The following VPS13B variants were observed in gnomAD, a reference collection of about 807,000 sequenced individuals.
VPS13B encodes intermembrane lipid transfer protein VPS13B.
A neutral mutation model predicts 426.4 loss-of-function variants in VPS13B; 285 were observed. The observed-to-expected ratio is 0.67, with a 90% CI of 0.61 to 0.74. The LOEUF (loss-of-function observed/expected upper bound fraction) is 0.74, where lower values mean the gene tolerates loss of function less well. Ranked by LOEUF, VPS13B falls within the 30% of genes least tolerant of loss-of-function variation. VPS13B has a pLI of 0.00. For missense variants in VPS13B, 4,537 were observed against 4,782.6 expected (o/e 0.95, Z 1.51); for synonymous variants, 1,676 against 1,676.4 (o/e 1.00, Z 0.01).
At chr8:99,187,301 T>C (rs1813274203) in intron 16 of VPS13B, among the ~76,000 whole-genome samples, 2 of 152,136 alleles carry the variant, frequency 1.3e-5, no homozygotes, top group South Asian at 4.1e-4. Flanking sequence ...AAAATGCTTA[T>C]AGAATAAAAA....
chr8:99,106,582 C>A (rs1221450228), intron 5 of VPS13B, among the ~76,000 whole-genome samples: 3 of 152,070 alleles, frequency 2.0e-5, no homozygotes, highest in Admixed American at 2.0e-4. Context: ...GCTTGTTGTA[C>A]ATATACTCAC....
intron 32 of VPS13B, among the ~76,000 whole-genome samples, chr8:99,576,543 G>T (rs1825785274): frequency 6.6e-6 from 1 of 151,960 alleles, no homozygotes; most frequent in African/African-American, 2.4e-5. Flanking sequence ...GTTCTTCATG[G>T]CTTTATTAAA....
rs1469738744 is a variant in VPS13B at position 99,871,616 on chromosome 8, A to G, written c.11664A>G (p.Glu3888=). The G allele has an allele frequency of 6.2e-7, 1 of 1,614,174 alleles. No individual in the cohort carries two copies. The highest frequency in any genetic ancestry group is 8.5e-7 in the Non-Finnish European group (1 of 1,180,044). The change falls in exon 61 of 62, where the codon GAA becomes GAG. Residue 3888 remains glutamate, a synonymous_variant. Coordinates refer to ENST00000357162, the MANE Select transcript of VPS13B (RefSeq NM_152564.5). ...DTQQQAFPVT[E]IDCAQDSKQN... is the part of the protein sequence containing the mutation. The stretch of plus-strand genomic sequence containing the variant: ...AGCAGCAGGCCTTCCCCGTCACAGA[A>G]ATCGACTGTGCACAGGACAGCAAGC...
chr8:99,525,698 T>TA (rs1309899739), intron 30 of VPS13B, among the ~76,000 whole-genome samples: 8 of 152,172 alleles, frequency 5.3e-5, no homozygotes, highest in African/African-American at 1.4e-4. Context: ...TCACAGAACT[T>TA]ACATTCTAAT....
intron 19 of VPS13B, among the ~76,000 whole-genome samples, chr8:99,285,447 G>A (rs1211296532): frequency 6.6e-6 from 1 of 152,108 alleles, no homozygotes; most frequent in Non-Finnish European, 1.5e-5. Flanking sequence ...AGCTTCATTA[G>A]TAAGTAGTAA....
At chr8:99,299,674 G>A (rs1047496337) in intron 19 of VPS13B, among the ~76,000 whole-genome samples, 1 of 151,894 alleles carries the variant, frequency 6.6e-6, no homozygotes, top group Non-Finnish European at 1.5e-5. Flanking sequence ...CACTTTGGGA[G>A]TCTGAGGCGG....
chr8:99,551,127 A>G (rs573287238), intron 30 of VPS13B, among the ~76,000 whole-genome samples: 4 of 152,154 alleles, frequency 2.6e-5, no homozygotes, highest in South Asian at 4.1e-4. Flanking sequence ...CATGGAGGAC[A>G]GATTTGTCAG....
intron 23 of VPS13B, among the ~76,000 whole-genome samples, chr8:99,458,859 T>A (rs1220953998): frequency 6.6e-6 from 1 of 152,120 alleles, no homozygotes; most frequent in Non-Finnish European, 1.5e-5. Flanking sequence ...TTTTCTCCCA[T>A]GTTGTAGGTT....
At chr8:99,076,148 G>A (rs1253084014) in intron 3 of VPS13B, among the ~76,000 whole-genome samples, 2 of 151,968 alleles carry the variant, frequency 1.3e-5, no homozygotes, top group Non-Finnish European at 2.9e-5. Context: ...TGTTTGATTT[G>A]TCTCTATTTG....
chr8:99,569,532 G>A (rs1000485177), intron 31 of VPS13B, among the ~76,000 whole-genome samples: 3 of 151,332 alleles, frequency 2.0e-5, no homozygotes, highest in Non-Finnish European at 4.4e-5. Context: ...GGAATATTTT[G>A]GGAACCTTGG....
chr8:99,531,926 G>C (rs1822956181), intron 30 of VPS13B, among the ~76,000 whole-genome samples: 1 of 151,970 alleles, frequency 6.6e-6, no homozygotes, highest in African/African-American at 2.4e-5. Flanking sequence ...TTAAAATAGT[G>C]ATTGTAACAT....
intron 19 of VPS13B, among the ~76,000 whole-genome samples, chr8:99,276,900 G>A (rs1818927496): frequency 6.6e-6 from 1 of 151,816 alleles, no homozygotes; most frequent in Non-Finnish European, 1.5e-5. Flanking sequence ...TTCTTGAGTT[G>A]GACAGGAACT....
At chr8:99,035,899 G>C (rs1273918518) in intron 2 of VPS13B, among the ~76,000 whole-genome samples, 1 of 152,056 alleles carries the variant, frequency 6.6e-6, no homozygotes, top group African/African-American at 2.4e-5. Context: ...TCCCTAATGA[G>C]TAGTTATGCT....
At chr8:99,321,210 C>CT (rs58817658) in intron 19 of VPS13B, among the ~76,000 whole-genome samples, 114 of 93,930 alleles carry the variant, frequency 1.2e-3, no homozygotes, top group East Asian at 3.9e-3. Context: ...TTTTCTTTTT[C>CT]TTTTTTTTTT....
intron 19 of VPS13B, among the ~76,000 whole-genome samples, chr8:99,308,454 T>G (rs1225936272): frequency 6.6e-6 from 1 of 152,146 alleles, no homozygotes; most frequent in Non-Finnish European, 1.5e-5. Context: ...CTTGCGATAG[T>G]TTGCTGCGAA....
chr8:99,593,718 T>C (rs1248485040), intron 33 of VPS13B, among the ~76,000 whole-genome samples: 2 of 152,000 alleles, frequency 1.3e-5, no homozygotes, highest in African/African-American at 4.8e-5. Flanking sequence ...CATGGAATAG[T>C]GTGCAGCCAT....
chr8:99,599,156 G>T (rs1426114632), intron 33 of VPS13B, among the ~76,000 whole-genome samples: 1 of 151,900 alleles, frequency 6.6e-6, no homozygotes, highest in Non-Finnish European at 1.5e-5. Flanking sequence ...TACTCAAGCT[G>T]GTAAGAACAG....
chr8:99,102,664 G>C (rs577829643), intron 4 of VPS13B, among the ~76,000 whole-genome samples: 7 of 152,150 alleles, frequency 4.6e-5, no homozygotes, highest in Admixed American at 1.3e-4. Flanking sequence ...TCATTGTATG[G>C]GATCTAATAT....
At chr8:99,108,718 C>G (rs1466355905) in intron 5 of VPS13B, among the ~76,000 whole-genome samples, 1 of 152,022 alleles carries the variant, frequency 6.6e-6, no homozygotes. Flanking sequence ...TATGATGCCT[C>G]TAGCTGTGTT....
Sources: allele counts gnomAD v4.1 joint callset (sites outside exome capture counted in the v4.1 genomes callset), GRCh38; gene constraint gnomAD v4.1.1; transcripts MANE v1.5; gene names NCBI Gene and HGNC (gene_info 2026-07-23, HGNC 2026-07-21).